DENND1B: variants seen among roughly 807,000 people sequenced by gnomAD.
DENND1B encodes DENN domain-containing protein 1B.
Under a neutral mutation model 90.1 loss-of-function variants are expected in DENND1B, and 59 were observed. The ratio of observed to expected loss-of-function variants is 0.65; its 90% confidence interval spans 0.53 to 0.81. DENND1B has a LOEUF of 0.81. Ranked by LOEUF, DENND1B falls within the 40% of genes least tolerant of loss-of-function variation. The pLI is 0.00. For synonymous variants in DENND1B, 337 were observed against 324.6 expected (o/e 1.04, Z -0.41); for missense variants, 862 against 912.6 (o/e 0.94, Z 0.71).
chr1:197,510,894 C>T lies in DENND1B; in HGVS notation c.1894G>A (p.Gly632Arg). ...GSGDQAEWNL[G>R]QDDSALHGKH... is the part of the protein sequence containing the mutation. ...CCATGGAGGGCACTATCGTCTTGCC[C>T]AAGATTCCACTCTGCTTGGTCACCA... Residue 632 changes from glycine (G) to arginine (R), a missense_variant, in exon 23 of 23, where the codon GGG becomes AGG. By Grantham distance (125) the Gly-to-Arg change is moderately radical (BLOSUM62 -2). Coordinates refer to ENST00000620048, the MANE Select transcript of DENND1B (RefSeq NM_001195215.2). The T allele has an allele frequency of 6.2e-7, 1 of 1,603,984 alleles. No homozygotes were observed. Among genetic ancestry groups the T allele is most frequent in the Non-Finnish European group, 8.5e-7 (1 of 1,175,494 alleles).
chr1:197,755,418 T>C (rs1213008991), intron 2 of DENND1B, among the ~76,000 whole-genome samples: 1 of 151,056 alleles, frequency 6.6e-6, no homozygotes, highest in Non-Finnish European at 1.5e-5. Flanking sequence ...AAGAGTAGTA[T>C]ACTGCCCAAC....
intron 15 of DENND1B, among the ~76,000 whole-genome samples, chr1:197,557,589 C>T (rs963092707): frequency 6.6e-6 from 1 of 151,730 alleles, no homozygotes; most frequent in African/African-American, 2.4e-5. Context: ...GTGGCAGACA[C>T]CAATGTACAC....
chr1:197,604,034 C>G (rs1197230802), intron 13 of DENND1B, among the ~76,000 whole-genome samples: 1 of 151,096 alleles, frequency 6.6e-6, no homozygotes, highest in Non-Finnish European at 1.5e-5. Flanking sequence ...AACTATACTA[C>G]AGATGTTTGA....
At chr1:197,547,271 T>A (rs1670881560) in intron 16 of DENND1B, among the ~76,000 whole-genome samples, 1 of 151,750 alleles carries the variant, frequency 6.6e-6, no homozygotes, top group African/African-American at 2.4e-5. Context: ...CCATCTCTTT[T>A]TTTTTTTTTT....
rs371964979 is a variant in DENND1B, at chr1:197,506,750, G to C, written c.*3710C>G. The C allele has an allele frequency of 6.6e-6, 1 of 151,454 alleles. No homozygotes were observed. The highest frequency in any genetic ancestry group is 1.5e-5 in the Non-Finnish European group (1 of 67,588). 9.4% of individuals were successfully genotyped at this position (151,454 alleles called of 1,614,324 possible). A position where few individuals can be genotyped will look rare whatever the true frequency, so the allele number is the denominator to read the frequency against. On this transcript the variant is annotated 3_prime_UTR_variant, in exon 23 of 23. Coordinates refer to ENST00000620048, the MANE Select transcript of DENND1B (RefSeq NM_001195215.2). ...TCACATAGTTTTTATTTAGAAGGGA[G>C]AGACTGTTTCTACAGAACGCTGTTA...
chr1:197,554,745 G>T (rs1025438455), intron 15 of DENND1B, among the ~76,000 whole-genome samples: 1 of 140,182 alleles, frequency 7.1e-6, no homozygotes, highest in Non-Finnish European at 1.5e-5. Context: ...AAGTGGCTGA[G>T]GCAGGAGAAT....
intron 3 of DENND1B, among the ~76,000 whole-genome samples, chr1:197,692,128 A>T (rs1657961283): frequency 6.6e-6 from 1 of 151,356 alleles, no homozygotes; most frequent in African/African-American, 2.4e-5. Flanking sequence ...GTGCCTCCAC[A>T]ATAAAAAAAA....
intron 3 of DENND1B, among the ~76,000 whole-genome samples, chr1:197,707,208 A>T (rs894797748): frequency 6.6e-6 from 1 of 152,174 alleles, no homozygotes; most frequent in African/African-American, 2.4e-5. Flanking sequence ...AGCTTAAAAA[A>T]TTGATCTCAT....
At chr1:197,703,546 T>C (rs1659241036) in intron 3 of DENND1B, among the ~76,000 whole-genome samples, 1 of 152,190 alleles carries the variant, frequency 6.6e-6, no homozygotes, top group African/African-American at 2.4e-5. Flanking sequence ...TTCATCATCA[T>C]CATTTTGACT....
chr1:197,585,200 GT>G lies in DENND1B; in HGVS notation c.1048-1948del, dbSNP rs570382309. On this transcript the variant is annotated intron_variant, in intron 14 of 22. Transcript: ENST00000620048. The stretch of plus-strand genomic sequence containing the variant: ...TAGTTACACTGGGAGCCCGATAAAT[GT>G]TTTATGACTGAATTTTAAAAATAAA... Among the ~76,000 whole-genome samples, 336 of 152,226 alleles carry G rather than the reference GT, an allele frequency of 2.2e-3. 2 individuals carry two copies. Among genetic ancestry groups the G allele is most frequent in the African/African-American group, 7.8e-3 (323 of 41,528 alleles).
chr1:197,675,916 C>G (rs762569185), intron 3 of DENND1B, among the ~76,000 whole-genome samples: 3 of 151,934 alleles, frequency 2.0e-5, no homozygotes, highest in Non-Finnish European at 2.9e-5. Flanking sequence ...CACCCTCCCC[C>G]TCCCTTCTTC....
chr1:197,747,142 C>T (rs764902873), intron 2 of DENND1B: 38 of 767,182 alleles, frequency 5.0e-5, no homozygotes, highest in Middle Eastern at 3.8e-4. Context: ...TTTTCTGGAG[C>T]GTTTTCTTTT....
chr1:197,743,999 T>C (rs546937562), intron 2 of DENND1B, among the ~76,000 whole-genome samples: 1 of 152,320 alleles, frequency 6.6e-6, no homozygotes, highest in South Asian at 2.1e-4. Flanking sequence ...TACATCAAAG[T>C]TTTATCATAA....
upstream of DENND1B, among the ~76,000 whole-genome samples, chr1:197,778,647 A>T (rs1775445): frequency 0.84 from 127,682 of 151,720 alleles, 53,974 homozygotes; most frequent in African/African-American, 0.91. Flanking sequence ...GCTGCATTGC[A>T]GCCTGGTTGA....
intron 14 of DENND1B, among the ~76,000 whole-genome samples, chr1:197,584,199 A>T (rs1341903690): frequency 6.6e-6 from 1 of 152,198 alleles, no homozygotes; most frequent in Non-Finnish European, 1.5e-5. Context: ...CTTAAGGAAG[A>T]CTCAATATTA....
At position 197,506,564 on chromosome 1, in the gene DENND1B, CA is replaced by C. The variant is rs1317248086; in HGVS notation, c.*3895del. On this transcript the variant is annotated 3_prime_UTR_variant, in exon 23 of 23. Coordinates refer to ENST00000620048, the MANE Select transcript of DENND1B (RefSeq NM_001195215.2). ...TAATCAGTCTTTTCCTGAAAATCCACATTTTCTACAAGAGAATGAAGGTCTA... is the reference window on the plus strand; with the variant it reads ...TAATCAGTCTTTTCCTGAAAATCCACTTTTCTACAAGAGAATGAAGGTCTA... The C allele has an allele frequency of 6.6e-6, 1 of 151,418 alleles. No homozygotes were observed. The highest frequency in any genetic ancestry group is 2.4e-5 in the African/African-American group (1 of 41,360). The allele number at this position is 151,418 out of a possible 1,614,324, so 9.4% of individuals were successfully genotyped here.
chr1:197,693,854 G>C (rs1658161379), intron 3 of DENND1B, among the ~76,000 whole-genome samples: 1 of 151,316 alleles, frequency 6.6e-6, no homozygotes. Flanking sequence ...CAGAACTATG[G>C]CCTACAACTG....
chr1:197,736,372 A>G (rs1413126225), intron 2 of DENND1B, among the ~76,000 whole-genome samples: 1 of 152,280 alleles, frequency 6.6e-6, no homozygotes, highest in South Asian at 2.1e-4. Flanking sequence ...CTATCGAGAC[A>G]GGATCTTGCT....
chr1:197,542,279 C>T (rs1007408305), intron 18 of DENND1B, among the ~76,000 whole-genome samples: 1 of 151,694 alleles, frequency 6.6e-6, no homozygotes, highest in East Asian at 1.9e-4. Context: ...CTTTATGGCC[C>T]CTATCAGCAT....
Sources: allele counts gnomAD v4.1 joint callset (sites outside exome capture counted in the v4.1 genomes callset), GRCh38; gene constraint gnomAD v4.1.1; transcripts MANE v1.5; gene names NCBI Gene and HGNC (gene_info 2026-07-23, HGNC 2026-07-21).